CR1: variants seen among roughly 807,000 people sequenced by gnomAD.
The protein encoded by CR1 is complement receptor type 1.
Under a neutral mutation model 187.3 loss-of-function variants are expected in CR1, and 116 were observed. That is an observed-to-expected ratio of 0.62 (90% CI 0.53 to 0.72). The LOEUF is 0.72. Ranked by LOEUF, CR1 falls within the 30% of genes least tolerant of loss-of-function variation. The probability of loss-of-function intolerance (pLI) is 0.00; values close to 1 mark genes in which losing one functional copy is unlikely to be tolerated. For synonymous variants in CR1, 576 were observed against 747.1 expected (o/e 0.77, Z 3.73); for missense variants, 1,731 against 2,110.7 (o/e 0.82, Z 3.52).
At chr1:207,622,523 C>G (rs1276227824) in intron 44 of CR1, among the ~76,000 whole-genome samples, 1 of 152,222 alleles carries the variant, frequency 6.6e-6, no homozygotes, top group Non-Finnish European at 1.5e-5. Flanking sequence ...AGAGAGTTAA[C>G]GTAACTTGTC....
rs745604251 is a variant in CR1 at position 207,580,506 on chromosome 1, T to C, written c.5114-5T>C. 6.3e-7 allele frequency: 1 copy of C among 1,595,778 alleles called. No homozygotes were observed. Among genetic ancestry groups the C allele is most frequent in the South Asian group, 1.2e-5 (1 of 86,422 alleles). ...TTTTTCTTTTTTTTTTTTTTCTTCT[T>C]CTAGTGAAATCCTGTGATGACTTCT... is the stretch of plus-strand genomic sequence containing the variant. On this transcript the variant is annotated splice_polypyrimidine_tract_variant and splice_region_variant and intron_variant, in intron 30 of 46. Transcript: ENST00000367049.
intron 1 of CR1, among the ~76,000 whole-genome samples, chr1:207,499,227 C>A (rs1659191049): frequency 6.6e-6 from 1 of 152,162 alleles, no homozygotes; most frequent in African/African-American, 2.4e-5. Flanking sequence ...TCAAACACAG[C>A]AGACTTCAGA....
At chr1:207,623,922 T>TC (rs943950729) in intron 45 of CR1, among the ~76,000 whole-genome samples, 10 of 133,414 alleles carry the variant, frequency 7.5e-5, no homozygotes. Flanking sequence ...TTTTTTTTTT[T>TC]TTTTTTTTTT....
At position 207,577,866 on chromosome 1, in the gene CR1, G is replaced by A. The variant is rs561267294; in HGVS notation, c.4599G>A (p.Glu1533=). ...GAGATTTCATTAGCACCAACAGAGA[G>A]AATTTTCACTATGGATCAGTGGTGA... The part of the protein sequence containing the change: ...ANGDFISTNR[E]NFHYGSVVTY... Residue 1533 remains glutamate (E), a synonymous_variant, in exon 29 of 47, where the codon GAG becomes GAA. Coordinates refer to ENST00000367049, the MANE Select transcript of CR1 (RefSeq NM_000651.6). 1.2e-6 allele frequency: 2 copies of A among 1,613,864 alleles called. No individual in the cohort carries two copies. The highest frequency in any genetic ancestry group is 1.7e-6 in the Non-Finnish European group (2 of 1,179,868).
intron 35 of CR1, among the ~76,000 whole-genome samples, chr1:207,592,405 T>C (rs1661297316): frequency 6.6e-6 from 1 of 152,186 alleles, no homozygotes; most frequent in African/African-American, 2.4e-5. Flanking sequence ...CCCTTCATGC[T>C]AAAAACTCTC....
intron 35 of CR1, among the ~76,000 whole-genome samples, chr1:207,603,962 C>T (rs1037199993): frequency 2.0e-5 from 3 of 152,120 alleles, no homozygotes; most frequent in Non-Finnish European, 4.4e-5. Flanking sequence ...AGGCTATGCA[C>T]GATTTTAAGC....
Position 207,496,344 on chromosome 1 carries a change from C to T in CR1, c.77C>T (p.Ser26Phe). The change falls in exon 1 of 47, where the codon TCC (serine) becomes TTC (phenylalanine). Residue 26 changes from serine to phenylalanine, a missense_variant. Coordinates refer to ENST00000367049, the MANE Select transcript of CR1 (RefSeq NM_000651.6). ...GGTCTCCCCTTCTGCTGCGGAGGATCCCTGCTGGCGGTTGTGGTGCTGCTT... is the reference window on the plus strand; with the variant it reads ...GGTCTCCCCTTCTGCTGCGGAGGATTCCTGCTGGCGGTTGTGGTGCTGCTT... ...APGLPFCCGG[S>F]LLAVVVLLAL... 6.2e-7 allele frequency: 1 copy of T among 1,612,918 alleles called. No individual in the cohort carries two copies. Among genetic ancestry groups the T allele is most frequent in the Non-Finnish European group, 8.5e-7 (1 of 1,179,664 alleles).
chr1:207,507,033 A>G, intron 3 of CR1: 1 of 465,708 alleles, frequency 2.1e-6, no homozygotes, highest in Non-Finnish European at 3.8e-6. Context: ...CAGAGCATAT[A>G]TGAAAAGTGT....
At chr1:207,587,334 A>C (rs920817385) in intron 33 of CR1, 52 bp from the exon 34 acceptor site, 6 of 1,468,314 alleles carry the variant, frequency 4.1e-6, no homozygotes, top group Non-Finnish European at 5.6e-6. Context: ...AAGAGGAGGT[A>C]GGGTGGAAGT....
At chr1:207,526,091 T>G (rs1327929928) in intron 5 of CR1, among the ~76,000 whole-genome samples, 1 of 152,076 alleles carries the variant, frequency 6.6e-6, no homozygotes, top group Non-Finnish European at 1.5e-5. Context: ...AAATATACAC[T>G]CTCATCATGG....
intron 31 of CR1, 109 bp from the exon 32 acceptor site, chr1:207,581,809 C>A: frequency 1.4e-6 from 1 of 713,620 alleles, no homozygotes; most frequent in Non-Finnish European, 2.4e-6. Context: ...TTAGCTTGAG[C>A]AGTAAAATGT....
At chr1:207,635,584 A>T (rs1296127905) in intron 46 of CR1, among the ~76,000 whole-genome samples, 1 of 151,924 alleles carries the variant, frequency 6.6e-6, no homozygotes, top group Non-Finnish European at 1.5e-5. Context: ...AGCAGGAGAC[A>T]GATGCCTTCC....
chr1:207,505,664 A>G (rs1659404770), intron 1 of CR1, among the ~76,000 whole-genome samples: 7 of 151,922 alleles, frequency 4.6e-5, no homozygotes, highest in Admixed American at 4.6e-4. Context: ...GTAAAACCCC[A>G]TCTCTACTAA....
rs1242529196 is a variant in CR1, at chr1:207,523,731, A to T, written c.608A>T (p.Lys203Met). 10 of 1,612,428 alleles carry T rather than the reference A, an allele frequency of 6.2e-6. No individual in the cohort carries two copies. The highest frequency in any genetic ancestry group is 8.5e-6 in the Non-Finnish European group (10 of 1,179,868). ...YRCNPGSGGR[K>M]VFELVGEPSI... ...TGCAATCCTGGAAGCGGAGGGAGAA[A>T]GGTGTTTGAGCTTGTGGGTGAGCCC... The change falls in exon 5 of 47, where the codon AAG (lysine) becomes ATG (methionine). Residue 203 changes from lysine to methionine, a missense_variant. Lys to Met is a moderately conservative substitution (Grantham distance 95). Transcript: ENST00000367049.
chr1:207,503,926 C>T (rs1221771983), intron 1 of CR1, among the ~76,000 whole-genome samples: 1 of 152,170 alleles, frequency 6.6e-6, no homozygotes, highest in Non-Finnish European at 1.5e-5. Flanking sequence ...GAAAGAAAAA[C>T]ATTGTATGTT....
Position 207,630,160 on chromosome 1 carries a change from CAA to C in CR1, c.7353-355_7353-354del, listed in dbSNP as rs1662597622. 2.0e-5 allele frequency among the ~76,000 whole-genome samples: 3 copies of C among 152,134 alleles called. No homozygotes were observed. The South Asian group carries it at 6.2e-4, about 31-fold the overall frequency. On this transcript the variant is annotated intron_variant, in intron 45 of 46. Transcript: ENST00000367049. ...GGAAGCCTCGTGTAACACTGCAGTGCAAAGTCATTCATGTTGTGCAGCTTAAG... is the reference window on the plus strand; with the variant it reads ...GGAAGCCTCGTGTAACACTGCAGTGCAGTCATTCATGTTGTGCAGCTTAAG...
chr1:207,524,540 T>C (rs1236353343), intron 5 of CR1, among the ~76,000 whole-genome samples: 2 of 151,978 alleles, frequency 1.3e-5, no homozygotes, highest in Admixed American at 6.6e-5. Flanking sequence ...CATGCCACCA[T>C]GCCTGGATAA....
At chr1:207,519,662 A>G (rs1201204337) in intron 4 of CR1, among the ~76,000 whole-genome samples, 6 of 152,234 alleles carry the variant, frequency 3.9e-5, no homozygotes, top group Non-Finnish European at 8.8e-5. Flanking sequence ...ATTAAATTTA[A>G]AAGAGTTTAA....
chr1:207,566,848 A>G (rs570998445), intron 24 of CR1, among the ~76,000 whole-genome samples: 1 of 150,268 alleles, frequency 6.7e-6, no homozygotes, highest in African/African-American at 2.5e-5. Context: ...AAAATCATGA[A>G]ATTTTACTAA....
Sources: gnomAD v4.1 joint callset for allele counts (sites outside exome capture counted in the v4.1 genomes callset) on GRCh38, gnomAD v4.1.1 for gene constraint, MANE v1.5 for transcripts, NCBI Gene and HGNC (gene_info 2026-07-23, HGNC 2026-07-21) for gene names.